The following KIF11 variants were observed in gnomAD, a reference collection of about 807,000 sequenced individuals.
The protein encoded by KIF11 is kinesin-like protein KIF11.
KIF11 carries 9 observed loss-of-function variants against 121.0 expected under a neutral mutation model. The ratio of observed to expected loss-of-function variants is 0.07; its 90% CI spans 0.04 to 0.13. KIF11 has a LOEUF of 0.13. Among genes scored for constraint, KIF11 ranks in the 10% least tolerant of loss-of-function variants. The pLI is 1.00. For missense variants in KIF11, 846 were observed against 1,217.5 expected (o/e 0.69, Z 4.54); for synonymous variants, 408 against 421.0 (o/e 0.97, Z 0.38).
chr10:92,625,109 C>T (rs1844659973), intron 10 of KIF11, among the ~76,000 whole-genome samples: 1 of 152,022 alleles, frequency 6.6e-6, no homozygotes, highest in African/African-American at 2.4e-5. Context: ...CGCCAAACTA[C>T]TTTCCATAAT....
chr10:92,631,205 A>AT (rs1486523088), intron 12 of KIF11, among the ~76,000 whole-genome samples: 1 of 151,204 alleles, frequency 6.6e-6, no homozygotes, highest in East Asian at 2.0e-4. Context: ...GAGGCAAGAG[A>AT]ATCACTTGAA....
At chr10:92,652,841 G>A (rs1261576038) in intron 21 of KIF11, among the ~76,000 whole-genome samples, 1 of 152,166 alleles carries the variant, frequency 6.6e-6, no homozygotes, top group Non-Finnish European at 1.5e-5. Context: ...ACCTTCAGCT[G>A]AAGTCCAGAA....
chr10:92,621,767 A>G (rs917501510), intron 10 of KIF11, among the ~76,000 whole-genome samples: 2 of 152,060 alleles, frequency 1.3e-5, no homozygotes, highest in African/African-American at 4.8e-5. Context: ...ACACCCTGCT[A>G]ATTTTTGCAT....
At chr10:92,648,466 T>G (rs1251028899) in intron 19 of KIF11, 32 bp downstream of exon 19, 6 of 1,417,262 alleles carry the variant, frequency 4.2e-6, no homozygotes, top group Non-Finnish European at 4.8e-6. Flanking sequence ...ATTGTTAAAT[T>G]TTTTGAAGTC....
chr10:92,601,877 G>T (rs1844377682), intron 1 of KIF11, among the ~76,000 whole-genome samples: 1 of 151,900 alleles, frequency 6.6e-6, no homozygotes, highest in Admixed American at 6.6e-5. Context: ...TTCAGTCTTT[G>T]ACCATCAATT....
chr10:92,623,953 A>C (rs1292489238), intron 10 of KIF11, among the ~76,000 whole-genome samples: 1 of 152,022 alleles, frequency 6.6e-6, no homozygotes, highest in African/African-American at 2.4e-5. Flanking sequence ...GATATATTGC[A>C]TGTAACAGGA....
At position 92,645,513 on chromosome 10, in the gene KIF11, C is replaced by A. The variant is rs758345007; in HGVS notation, c.2418C>A (p.Gly806=). The change falls in exon 18 of 22, where the codon GGC becomes GGA. Residue 806 remains glycine (G), a synonymous_variant. Transcript: ENST00000260731. ...TGAAACACTCTGATAAACTCAATGG[C>A]AACCTGGAAAAAATATCTCAAGAGA... ...ESVKHSDKLN[G]NLEKISQETE... is the part of the protein sequence containing the mutation. 3 of 1,613,924 alleles carry A rather than the reference C, an allele frequency of 1.9e-6. No individual in the cohort carries two copies. Among genetic ancestry groups the A allele is most frequent in the Admixed American group, 1.7e-5 (1 of 60,008 alleles).
intron 10 of KIF11, among the ~76,000 whole-genome samples, chr10:92,623,043 A>T (rs935678568): frequency 2.0e-5 from 3 of 152,220 alleles, no homozygotes; most frequent in African/African-American, 7.2e-5. Context: ...TGTGGGGATT[A>T]TAATTCAACA....
At position 92,649,969 on chromosome 10, in the gene KIF11, A is replaced by G. The variant is rs2135925718; in HGVS notation, c.2905A>G (p.Lys969Glu). The change falls in exon 20 of 22, where the codon AAA becomes GAA. Residue 969 changes from lysine to glutamate, a missense_variant. This residue lies in a region of KIF11 where 492 missense variants were observed against 603.4 expected (regional missense o/e 0.82). Transcript: ENST00000260731. Reference sequence around the variant, plus strand: ...GATGCTAAACTGTTCAGAAAACAACAAAGAAGAGACAATTCCGGTAAATTT... The same window carrying G: ...GATGCTAAACTGTTCAGAAAACAACGAAGAAGAGACAATTCCGGTAAATTT... ...LMMLNCSENN[K>E]EETIPDVDVE... 1 of 1,611,092 alleles carries G rather than the reference A, an allele frequency of 6.2e-7. No individual in the cohort carries two copies. The highest frequency in any genetic ancestry group is 8.5e-7 in the Non-Finnish European group (1 of 1,177,924).
At chr10:92,651,509 T>TTTTTTC (rs1844981251) in intron 21 of KIF11, among the ~76,000 whole-genome samples, 7 of 32,166 alleles carry the variant, frequency 2.2e-4, no homozygotes, top group East Asian at 2.8e-3. Flanking sequence ...CTAATTTTGT[T>TTTTTTC]TTTTTTTTTT....
chr10:92,647,918 G>C (rs1416120567), intron 18 of KIF11, among the ~76,000 whole-genome samples: 1 of 152,072 alleles, frequency 6.6e-6, no homozygotes, highest in Non-Finnish European at 1.5e-5. Context: ...AGACCAGCTT[G>C]GGCAACATGG....
chr10:92,595,193 G>A (rs1844281324), intron 1 of KIF11, among the ~76,000 whole-genome samples: 2 of 152,116 alleles, frequency 1.3e-5, no homozygotes, highest in Admixed American at 1.3e-4. Context: ...TCAGGTAGCT[G>A]GGATTACAGG....
chr10:92,639,681 A>G (rs1273450556), intron 16 of KIF11, 113 bp from the exon 17 acceptor site: 2 of 609,630 alleles, frequency 3.3e-6, no homozygotes, highest in Non-Finnish European at 5.8e-6. Flanking sequence ...TCTCTTGTCA[A>G]GAATTTATAT....
intron 14 of KIF11, among the ~76,000 whole-genome samples, chr10:92,634,873 G>A (rs1844780661): frequency 6.6e-6 from 1 of 152,200 alleles, no homozygotes; most frequent in African/African-American, 2.4e-5. Flanking sequence ...ATATATGATA[G>A]TAATAATGGT....
chr10:92,630,200 A>G lies in KIF11; in HGVS notation c.1330A>G (p.Lys444Glu), dbSNP rs1844721291. 1 of 1,577,238 alleles carries G rather than the reference A, an allele frequency of 6.3e-7. No individual in the cohort carries two copies. The highest frequency in any genetic ancestry group is 8.6e-7 in the Non-Finnish European group (1 of 1,165,382). Residue 444 changes from lysine (K) to glutamate (E), a missense_variant, in exon 12 of 22, where the codon AAA becomes GAA. Around this residue, in one of 5 missense-constraint regions of KIF11, gnomAD observed 95 missense variants for 109.3 expected, o/e 0.87. Coordinates refer to ENST00000260731, the MANE Select transcript of KIF11 (RefSeq NM_004523.4). ...GGTTACAGAGTTGTTTATGGATAAT[A>G]AAAATGAACTTGACCAGTGTAAATC... ...NRVTELFMDN[K>E]NELDQCKSDL... is the part of the protein sequence containing the mutation.
chr10:92,650,474 C>G lies in KIF11; in HGVS notation c.2996C>G (p.Ala999Gly). The change falls in exon 21 of 22, where the codon GCT becomes GGT. Residue 999 changes from alanine (A) to glycine (G), a missense_variant. Physicochemically the swap from Ala to Gly is moderately conservative, Grantham distance 60. Around this residue, in one of 5 missense-constraint regions of KIF11, gnomAD observed 492 missense variants for 603.4 expected, o/e 0.82. Transcript: ENST00000260731. Reference sequence around the variant, plus strand: ...CTAAGTCAAGAGCCATCTGTAGATGCTGGTGTGGATTGTTCATCAATTGGC... The same window carrying G: ...CTAAGTCAAGAGCCATCTGTAGATGGTGGTGTGGATTGTTCATCAATTGGC... ...EPLSQEPSVD[A>G]GVDCSSIGGV... 1 of 1,613,372 alleles carries G rather than the reference C, an allele frequency of 6.2e-7. No individual in the cohort carries two copies.
At chr10:92,626,264 C>T (rs1844675642) in intron 10 of KIF11, among the ~76,000 whole-genome samples, 1 of 152,126 alleles carries the variant, frequency 6.6e-6, no homozygotes, top group African/African-American at 2.4e-5. Flanking sequence ...GAAATAAAGC[C>T]ACACACCTAC....
chr10:92,614,206 C>T (rs979287460), intron 8 of KIF11, among the ~76,000 whole-genome samples: 2 of 151,854 alleles, frequency 1.3e-5, no homozygotes, highest in African/African-American at 4.8e-5. Context: ...AAGCGATTCT[C>T]CTGCCTCAGC....
chr10:92,652,745 C>T (rs1446078280), intron 21 of KIF11, among the ~76,000 whole-genome samples: 1 of 152,134 alleles, frequency 6.6e-6, no homozygotes, highest in Non-Finnish European at 1.5e-5. Flanking sequence ...TTATTATTAT[C>T]TGTGGCATTT....
Sources: gnomAD v4.1 joint callset for allele counts (sites outside exome capture counted in the v4.1 genomes callset) on GRCh38, gnomAD v4.1.1 for gene constraint, gnomAD v4.1.1 regional missense constraint, MANE v1.5 for transcripts, NCBI Gene and HGNC (gene_info 2026-07-23, HGNC 2026-07-21) for gene names.